The following CSNK1A1 variants were observed in gnomAD, a reference collection of about 807,000 sequenced individuals.
CSNK1A1 encodes casein kinase 1 alpha 1.
A neutral mutation model predicts 46.1 loss-of-function variants in CSNK1A1; 7 were observed. The observed-to-expected ratio is 0.15, with a 90% CI of 0.09 to 0.29. The LOEUF (loss-of-function observed/expected upper bound fraction) is 0.29. Ranked by LOEUF, CSNK1A1 falls within the 10% of genes least tolerant of loss-of-function variation. The pLI is 1.00. For missense variants in CSNK1A1, 96 were observed against 417.1 expected (o/e 0.23, Z 6.71); for synonymous variants, 137 against 141.5 (o/e 0.97, Z 0.23).
chr5:149,542,592 TTA>T (rs1160379269), intron 2 of CSNK1A1, among the ~76,000 whole-genome samples: 546 of 26,562 alleles, frequency 0.021, 5 homozygotes, highest in Middle Eastern at 0.026. Flanking sequence ...AGATACAAAT[TTA>T]TATATATATA....
chr5:149,511,725 A>G (rs1761229188), intron 6 of CSNK1A1, 69 bp downstream of exon 6: 2 of 1,101,174 alleles, frequency 1.8e-6, no homozygotes, highest in Non-Finnish European at 2.7e-6. Context: ...CTTAAATCTT[A>G]TCTTCTCCAA....
chr5:149,509,979 G>T, intron 6 of CSNK1A1, 26 bp from the exon 7 acceptor site: 9 of 1,497,728 alleles, frequency 6.0e-6, no homozygotes, highest in South Asian at 1.2e-5. Context: ...AAATAAAAAA[G>T]ATATACTCAG....
In CSNK1A1 at chr5:149,496,308, C is replaced by G. The variant is rs1409186391; in HGVS notation, c.*545G>C. ...CTTTCATATGCTCAAACACTGGAATCTTTGGTTGCTACCATATCAGCTGGC... is the reference window on the plus strand; with the variant it reads ...CTTTCATATGCTCAAACACTGGAATGTTTGGTTGCTACCATATCAGCTGGC... On this transcript the variant is annotated 3_prime_UTR_variant, in exon 10 of 10. Transcript: ENST00000377843. The G allele has an allele frequency of 6.5e-6, 1 of 153,080 alleles. No individual in the cohort carries two copies. The highest frequency in any genetic ancestry group is 1.5e-5 in the Non-Finnish European group (1 of 68,356). The allele number at this position is 153,080 out of a possible 1,614,324, so 9.5% of individuals were successfully genotyped here. A position where few individuals can be genotyped will look rare whatever the true frequency, so the allele number is the denominator to read the frequency against.
In CSNK1A1 at chr5:149,496,490, T is replaced by G. The variant is rs781039811; in HGVS notation, c.*363A>C. 4 of 230,440 alleles carry G rather than the reference T, an allele frequency of 1.7e-5. No homozygotes were observed. Among genetic ancestry groups the G allele is most frequent in the Admixed American group, 1.6e-4 (3 of 19,312 alleles). The allele number at this position is 230,440 out of a possible 1,614,324, so 14.3% of individuals were successfully genotyped here. A position where few individuals can be genotyped will look rare whatever the true frequency, so the allele number is the denominator to read the frequency against. On this transcript the variant is annotated 3_prime_UTR_variant, in exon 10 of 10. Coordinates refer to ENST00000377843, the MANE Select transcript of CSNK1A1 (RefSeq NM_001892.6). ...CATGCCGTTCTTCTGAAATGAGATCTCAAAGCAGTATAGTTCAAAACAAAA... is the reference window on the plus strand; with the variant it reads ...CATGCCGTTCTTCTGAAATGAGATCGCAAAGCAGTATAGTTCAAAACAAAA...
Position 149,549,478 on chromosome 5 carries a change from T to C in CSNK1A1, c.230+597A>G, listed in dbSNP as rs559860241. On this transcript the variant is annotated intron_variant, in intron 2 of 9. Coordinates refer to ENST00000377843, the MANE Select transcript of CSNK1A1 (RefSeq NM_001892.6). ...TCCACACCGCCTCCTGCAGCTTTATTCTTGGCTTTTCAAAGGTTTAATCCA... is the reference window on the plus strand; with the variant it reads ...TCCACACCGCCTCCTGCAGCTTTATCCTTGGCTTTTCAAAGGTTTAATCCA... 771 of 702,492 alleles carry C rather than the reference T, an allele frequency of 1.1e-3. 4 individuals are homozygous for C. The African/African-American group carries it at 0.012, about 11-fold the overall frequency. 43.5% of individuals were successfully genotyped at this position (702,492 alleles called of 1,614,324 possible).
At chr5:149,522,404 C>A (rs1235679388) in intron 3 of CSNK1A1, among the ~76,000 whole-genome samples, 2 of 152,210 alleles carry the variant, frequency 1.3e-5, no homozygotes, top group East Asian at 3.8e-4. Context: ...AGCCATCACA[C>A]CCAGCCTCTA....
chr5:149,550,754 A>G lies in CSNK1A1; in HGVS notation c.123+88T>C. ...CCTGGCGAGTGCGTGCGATGAGGAG[A>G]GGCCCGAGCACTTTGGGGGTGCACG... On this transcript the variant is annotated intron_variant, in intron 1 of 9. Coordinates refer to ENST00000377843, the MANE Select transcript of CSNK1A1 (RefSeq NM_001892.6). This position sits in a 1 kb window ranked among gnomAD's most constrained non-coding sequence, Gnocchi z 4.3. 6.4e-7 allele frequency: 1 copy of G among 1,572,998 alleles called. No homozygotes were observed. Among genetic ancestry groups the G allele is most frequent in the African/African-American group, 1.3e-5 (1 of 74,122 alleles).
rs574028041 is a variant in CSNK1A1 at position 149,494,046 on chromosome 5, A to G, written c.*2807T>C. On this transcript the variant is annotated 3_prime_UTR_variant, in exon 10 of 10. Coordinates refer to ENST00000377843, the MANE Select transcript of CSNK1A1 (RefSeq NM_001892.6). ...TGACTCATTCTAGTCAAAAGCTATA[A>G]GAACATATTCCTTAATAGTTCAGCA... The G allele has an allele frequency of 6.6e-6, 1 of 152,342 alleles. No homozygotes were observed. The highest frequency in any genetic ancestry group is 6.5e-5 in the Admixed American group (1 of 15,304). The allele number at this position is 152,342 out of a possible 1,614,324, so 9.4% of individuals were successfully genotyped here. A position where few individuals can be genotyped will look rare whatever the true frequency, so the allele number is the denominator to read the frequency against.
chr5:149,516,471 A>ATT (rs200508678), intron 4 of CSNK1A1, among the ~76,000 whole-genome samples: 53 of 145,810 alleles, frequency 3.6e-4, no homozygotes, highest in African/African-American at 1.2e-3. Flanking sequence ...TACTTGCAGC[A>ATT]TTTTTTTTTT....
chr5:149,526,156 T>C (rs1761719181), intron 2 of CSNK1A1, among the ~76,000 whole-genome samples: 1 of 152,176 alleles, frequency 6.6e-6, no homozygotes, highest in South Asian at 2.1e-4. Flanking sequence ...TTCATTTATT[T>C]TTAGACAAGG....
At chr5:149,510,426 T>C (rs973218520) in intron 6 of CSNK1A1, among the ~76,000 whole-genome samples, 1 of 152,232 alleles carries the variant, frequency 6.6e-6, no homozygotes, top group Non-Finnish European at 1.5e-5. Flanking sequence ...TGCATCATCA[T>C]ACCCAGCTGA....
At position 149,518,633 on chromosome 5, in the gene CSNK1A1, T is replaced by C. The variant is rs184013315; in HGVS notation, c.456+1657A>G. On this transcript the variant is annotated intron_variant, in intron 4 of 9. Coordinates refer to ENST00000377843, the MANE Select transcript of CSNK1A1 (RefSeq NM_001892.6). Reference sequence around the variant, plus strand: ...AGTAAAACACTTTGCTTCTTCCCCATGGCCTCTCTAAAACAGTGTTAAGCA... The same window carrying C: ...AGTAAAACACTTTGCTTCTTCCCCACGGCCTCTCTAAAACAGTGTTAAGCA... Among the ~76,000 whole-genome samples the C allele has an allele frequency of 2.4e-4, 36 of 152,284 alleles. 1 individual carries two copies. In the East Asian group the frequency reaches 6.4e-3, roughly 27 times the overall value.
chr5:149,517,747 A>G lies in CSNK1A1; in HGVS notation c.456+2543T>C, dbSNP rs754456223. ...TCAAAATAAAACAATAAAAAAGAAA[A>G]GCACATGAATTTGGGATTGAGGTTG... On this transcript the variant is annotated intron_variant, in intron 4 of 9. Transcript: ENST00000377843. The surrounding 1 kb of genome is among the most constrained non-coding windows in gnomAD (Gnocchi z 4.4). 8.6e-7 allele frequency: 1 copy of G among 1,163,616 alleles called. No homozygotes were observed. Among genetic ancestry groups the G allele is most frequent in the East Asian group, 2.5e-5 (1 of 40,396 alleles). The allele number at this position is 1,163,616 out of a possible 1,614,324, so 72.1% of individuals were successfully genotyped here.
At chr5:149,512,815 C>T (rs1444861954) in intron 5 of CSNK1A1, among the ~76,000 whole-genome samples, 1 of 152,158 alleles carries the variant, frequency 6.6e-6, no homozygotes, top group African/African-American at 2.4e-5. Context: ...CAACATTGCA[C>T]TTATGCTTCT....
intron 9 of CSNK1A1, chr5:149,499,223 A>AAT: frequency 5.1e-6 from 5 of 983,410 alleles, no homozygotes; most frequent in Non-Finnish European, 6.0e-6. Flanking sequence ...TGGCTCATCC[A>AAT]GGCTTCCAAG....
At chr5:149,502,535 T>TTG (rs1760902473) in intron 9 of CSNK1A1, 1 of 34,852 alleles carries the variant, frequency 2.9e-5, no homozygotes, top group African/African-American at 3.4e-4. Flanking sequence ...GGGGGGGGGT[T>TTG]GGGGACGATG....
chr5:149,546,044 A>G (rs904366628), intron 2 of CSNK1A1, among the ~76,000 whole-genome samples: 10 of 149,718 alleles, frequency 6.7e-5, no homozygotes, highest in Admixed American at 6.6e-4. Flanking sequence ...GCACGCCACC[A>G]CACCAGGCTA....
Position 149,534,428 on chromosome 5 carries a change from G to A in CSNK1A1, c.231-9257C>T, listed in dbSNP as rs77210446. Reference sequence around the variant, plus strand: ...GAACCCGGGAGGCGGGGGTTGCAGTGAGCTGAGATGGCGCCATTGCACTCC... The same window carrying A: ...GAACCCGGGAGGCGGGGGTTGCAGTAAGCTGAGATGGCGCCATTGCACTCC... On this transcript the variant is annotated intron_variant, in intron 2 of 9. Transcript: ENST00000377843. Among the ~76,000 whole-genome samples, 2,331 of 142,908 alleles carry A rather than the reference G, an allele frequency of 0.016. 254 individuals are homozygous for A. The East Asian group carries it at 0.32, about 20-fold the overall frequency. The allele number at this position is 142,908 out of a possible 152,430, so 93.8% of individuals were successfully genotyped here. A position where few individuals can be genotyped will look rare whatever the true frequency, so the allele number is the denominator to read the frequency against.
chr5:149,514,145 A>G (rs952684374), intron 4 of CSNK1A1, among the ~76,000 whole-genome samples: 1 of 152,234 alleles, frequency 6.6e-6, no homozygotes, highest in African/African-American at 2.4e-5. Flanking sequence ...TAGCATTTAA[A>G]TCAAGGTGGC....
Sources: allele counts gnomAD v4.1 joint callset (sites outside exome capture counted in the v4.1 genomes callset), GRCh38; gene constraint gnomAD v4.1.1; non-coding constraint Gnocchi (gnomAD v3.1); transcripts MANE v1.5; gene names NCBI Gene and HGNC (gene_info 2026-07-23, HGNC 2026-07-21).